The following ADTRP variants were observed in gnomAD, a reference collection of about 807,000 sequenced individuals.
ADTRP encodes the protein androgen-dependent TFPI-regulating protein.
ADTRP carries 20 observed loss-of-function variants against 27.0 expected under a neutral mutation model. The ratio of observed to expected loss-of-function variants is 0.74; its 90% CI spans 0.52 to 1.08. The LOEUF is 1.08. Among genes scored for constraint, ADTRP ranks in the 50% least tolerant of loss-of-function variants. The pLI, the probability that ADTRP is intolerant of heterozygous loss-of-function variation, is 0.00. For missense variants in ADTRP, 251 were observed against 275.0 expected, an observed-to-expected ratio of 0.91 and a Z score of 0.62; for synonymous variants, 101 against 105.2, an observed-to-expected ratio of 0.96 and a Z score of 0.25.
chr6:11,771,082 C>T (rs1356921957), intron 1 of ADTRP, among the ~76,000 whole-genome samples: 1 of 152,174 alleles, frequency 6.6e-6, no homozygotes, highest in Non-Finnish European at 1.5e-5. Context: ...CCTGCCTCTC[C>T]CAGTCACAGG....
intron 3 of ADTRP, among the ~76,000 whole-genome samples, chr6:11,764,834 G>A (rs1763504940): frequency 6.8e-6 from 1 of 146,400 alleles, no homozygotes; most frequent in Non-Finnish European, 1.5e-5. Flanking sequence ...AGAAGGCTGT[G>A]TGAATTAAAT....
chr6:11,738,212 G>T (rs1042712604), intron 3 of ADTRP, among the ~76,000 whole-genome samples: 4 of 152,164 alleles, frequency 2.6e-5, no homozygotes, highest in Non-Finnish European at 4.4e-5. Context: ...AAGGGCCTGG[G>T]ATATCCATGG....
In ADTRP at chr6:11,766,128, C is replaced by G. The variant is rs1763563049; in HGVS notation, c.390+146G>C. 5.6e-6 allele frequency: 3 copies of G among 534,628 alleles called. No individual in the cohort carries two copies. The Admixed American group carries it at 1.1e-4, about 19-fold the overall frequency. The allele number at this position is 534,628 out of a possible 1,614,324, so 33.1% of individuals were successfully genotyped here. A position where few individuals can be genotyped will look rare whatever the true frequency, so the allele number is the denominator to read the frequency against. On this transcript the variant is annotated intron_variant, in intron 3 of 5. Transcript: ENST00000414691. Reference sequence around the variant, plus strand: ...AGCACTGGCTTGTGTTCATTTCATACCTTCAATATGCCCTTTAAATAAACA... The same window carrying G: ...AGCACTGGCTTGTGTTCATTTCATAGCTTCAATATGCCCTTTAAATAAACA...
chr6:11,765,317 TG>T lies in ADTRP; in HGVS notation c.390+956del, dbSNP rs1434616979. On this transcript the variant is annotated intron_variant, in intron 3 of 5. Transcript: ENST00000414691. Reference sequence around the variant, plus strand: ...ATGCCACTTCCTTGTGCCTTTCCCCTGGTTTGTTTTTTTTTTTTTTTTTTTT... The same window carrying T: ...ATGCCACTTCCTTGTGCCTTTCCCCTGTTTGTTTTTTTTTTTTTTTTTTTT... 1.1e-4 allele frequency among the ~76,000 whole-genome samples: 13 copies of T among 115,256 alleles called. No homozygotes were observed. The East Asian group carries it at 2.0e-3, about 18-fold the overall frequency. 75.6% of individuals were successfully genotyped at this position (115,256 alleles called of 152,430 possible).
At chr6:11,735,942 CT>C in intron 3 of ADTRP, 1 of 334,596 alleles carries the variant, frequency 3.0e-6, no homozygotes, top group South Asian at 4.6e-5. Context: ...CACTGCTCCC[CT>C]CTCCCTACTT....
At chr6:11,735,730 G>A in intron 3 of ADTRP, 47 bp from the exon 4 acceptor site, 2 of 1,276,432 alleles carry the variant, frequency 1.6e-6, no homozygotes, top group Non-Finnish European at 1.1e-6. Flanking sequence ...TGTCCAGGGT[G>A]CCTACAGTGC....
intron 3 of ADTRP, among the ~76,000 whole-genome samples, chr6:11,745,432 G>A (rs1423393976): frequency 6.6e-6 from 1 of 152,136 alleles, no homozygotes; most frequent in African/African-American, 2.4e-5. Flanking sequence ...TACATCTATT[G>A]TAACCCTACA....
intron 3 of ADTRP, among the ~76,000 whole-genome samples, chr6:11,755,885 T>G (rs1448005681): frequency 1.3e-5 from 2 of 152,224 alleles, no homozygotes; most frequent in Non-Finnish European, 1.5e-5. Flanking sequence ...TGTTTGGCAA[T>G]GCTCTGAACA....
intron 5 of ADTRP, among the ~76,000 whole-genome samples, chr6:11,714,958 A>C (rs192893222): frequency 7.2e-4 from 109 of 152,346 alleles, no homozygotes; most frequent in Middle Eastern, 3.4e-3. Flanking sequence ...AAATGAATTC[A>C]TCAGCCTGGT....
At chr6:11,719,356 C>A (rs1283198382) in intron 5 of ADTRP, among the ~76,000 whole-genome samples, 2 of 152,190 alleles carry the variant, frequency 1.3e-5, no homozygotes, top group African/African-American at 4.8e-5. Context: ...GAGGCCTATA[C>A]AGGTTTGAGA....
intron 4 of ADTRP, among the ~76,000 whole-genome samples, chr6:11,724,288 CGG>C (rs1762117915): frequency 6.6e-6 from 1 of 151,986 alleles, no homozygotes; most frequent in South Asian, 2.1e-4. Context: ...TCCAAGTCTG[CGG>C]GGATGAGGGA....
At chr6:11,764,886 C>A (rs1288576714) in intron 3 of ADTRP, among the ~76,000 whole-genome samples, 1 of 121,562 alleles carries the variant, frequency 8.2e-6, no homozygotes. Context: ...ATATAAAGTA[C>A]CATTTCTTAA....
Position 11,714,435 on chromosome 6 carries a change from C to T in ADTRP, c.*43G>A, listed in dbSNP as rs1317841394. 3.2e-6 allele frequency: 5 copies of T among 1,557,530 alleles called. No homozygotes were observed. The highest frequency in any genetic ancestry group is 1.4e-5 in the African/African-American group (1 of 72,026). ...AAAAAAAAAAAGATGAGAAAAATCT[C>T]TTGTGTTTTCTTCTTTCTTGGTTCT... On this transcript the variant is annotated 3_prime_UTR_variant, in exon 6 of 6. Transcript: ENST00000414691.
chr6:11,734,769 C>T (rs543107059), intron 4 of ADTRP, among the ~76,000 whole-genome samples: 86 of 152,260 alleles, frequency 5.6e-4, no homozygotes, highest in African/African-American at 1.8e-3. Context: ...TAAACTTCCC[C>T]GCATATAGGG....
chr6:11,754,915 G>T, intron 3 of ADTRP: 1 of 579,186 alleles, frequency 1.7e-6, no homozygotes. Context: ...GGCTGCTCTC[G>T]GGGATTTTTC....
chr6:11,717,450 A>G (rs1561737462), intron 5 of ADTRP: 2 of 1,302,558 alleles, frequency 1.5e-6, no homozygotes, highest in Non-Finnish European at 2.0e-6. Flanking sequence ...GTTTCAATCA[A>G]CATCACCATA....
At chr6:11,718,837 G>A (rs1193679803) in intron 5 of ADTRP, among the ~76,000 whole-genome samples, 1 of 152,190 alleles carries the variant, frequency 6.6e-6, no homozygotes, top group Admixed American at 6.5e-5. Context: ...AGCTTTTTGA[G>A]CCTCAGTGCA....
intron 3 of ADTRP, among the ~76,000 whole-genome samples, chr6:11,751,013 G>A (rs542425080): frequency 3.2e-4 from 48 of 152,248 alleles, no homozygotes; most frequent in African/African-American, 1.1e-3. Flanking sequence ...CACCACACCT[G>A]GCTAATTTTT....
intron 5 of ADTRP, among the ~76,000 whole-genome samples, chr6:11,714,929 C>A (rs1408081864): frequency 6.6e-6 from 1 of 152,162 alleles, no homozygotes; most frequent in African/African-American, 2.4e-5. Context: ...TAATTGGGGT[C>A]ATTCTGTGAC....
Sources: allele counts gnomAD v4.1 joint callset (sites outside exome capture counted in the v4.1 genomes callset), GRCh38; gene constraint gnomAD v4.1.1; transcripts MANE v1.5; gene names NCBI Gene and HGNC (gene_info 2026-07-23, HGNC 2026-07-21).